Variants in EGFLAM observed in about 807,000 individuals in gnomAD.
EGFLAM encodes the protein EGF like, fibronectin type III and laminin G domains.
In EGFLAM, 79 loss-of-function variants were observed where a neutral mutation model predicts 113.1. The observed-to-expected ratio is 0.70, with a 90% CI of 0.58 to 0.84. The LOEUF (loss-of-function observed/expected upper bound fraction) is 0.84. Among genes scored for constraint, EGFLAM ranks in the 40% least tolerant of loss-of-function variants. EGFLAM has a pLI of 0.00. For synonymous variants in EGFLAM, 504 were observed against 487.6 expected (o/e 1.03, Z -0.44); for missense variants, 1,265 against 1,291.6 (o/e 0.98, Z 0.32).
intron 12 of EGFLAM, among the ~76,000 whole-genome samples, chr5:38,420,590 G>A (rs1741790001): frequency 6.6e-6 from 1 of 152,084 alleles, no homozygotes; most frequent in Non-Finnish European, 1.5e-5. Context: ...CTTAGAATAG[G>A]GCTTTGCACA....
chr5:38,419,359 C>G (rs1168992692), intron 12 of EGFLAM, among the ~76,000 whole-genome samples: 1 of 152,188 alleles, frequency 6.6e-6, no homozygotes, highest in African/African-American at 2.4e-5. Context: ...ACTCACTACT[C>G]TAAGCGTCAC....
intron 6 of EGFLAM, among the ~76,000 whole-genome samples, chr5:38,383,414 C>A (rs1189418398): frequency 1.5e-5 from 2 of 135,036 alleles, no homozygotes; most frequent in Non-Finnish European, 3.2e-5. Flanking sequence ...TTTGTCAGGC[C>A]TTTTTTTTTT....
intron 8 of EGFLAM, among the ~76,000 whole-genome samples, chr5:38,407,496 G>A (rs1304927312): frequency 2.6e-5 from 4 of 152,122 alleles, no homozygotes; most frequent in African/African-American, 9.7e-5. Flanking sequence ...TAACAACTGG[G>A]CCAACTTATA....
At chr5:38,346,205 T>C (rs193159232) in intron 3 of EGFLAM, among the ~76,000 whole-genome samples, 1 of 152,332 alleles carries the variant, frequency 6.6e-6, no homozygotes, top group East Asian at 1.9e-4. Flanking sequence ...AAATACGATT[T>C]TGCTTGGTTT....
intron 1 of EGFLAM, among the ~76,000 whole-genome samples, chr5:38,281,636 A>C (rs1758023708): frequency 6.6e-6 from 1 of 152,152 alleles, no homozygotes; most frequent in South Asian, 2.1e-4. Flanking sequence ...GCACGGGGAA[A>C]TTGAGTATGA....
At chr5:38,399,708 C>A (rs77100071) in intron 6 of EGFLAM, 23,675 of 152,120 alleles carry the variant, frequency 0.16, 2,032 homozygotes, top group Non-Finnish European at 0.17. Flanking sequence ...AGCAGTACTT[C>A]GGGAGACTCT....
chr5:38,325,892 T>TA (rs891962148), intron 1 of EGFLAM, among the ~76,000 whole-genome samples: 50 of 152,002 alleles, frequency 3.3e-4, no homozygotes, highest in African/African-American at 1.2e-3. Flanking sequence ...TATTTTCTTT[T>TA]AAAAAAATAC....
At position 38,407,002 on chromosome 5, in the gene EGFLAM, G is replaced by T; in HGVS notation, c.1003G>T (p.Gly335Cys). The change falls in exon 8 of 22, where the codon GGT becomes TGT. Residue 335 changes from glycine (G) to cysteine (C), a missense_variant. By Grantham distance (159) the Gly-to-Cys change is radical. Coordinates refer to ENST00000322350, the MANE Select transcript of EGFLAM (RefSeq NM_152403.4). ...PIPIQRKGKN[G>C]VAIMSRLFDM... ...TCCCATACAGAGAAAGGGGAAGAAT[G>T]GTGTGGCCATAATGTCAAGGCTCTT... is the stretch of plus-strand genomic sequence containing the variant. 6.2e-7 allele frequency: 1 copy of T among 1,614,214 alleles called. No homozygotes were observed. Among genetic ancestry groups the T allele is most frequent in the Non-Finnish European group, 8.5e-7 (1 of 1,180,050 alleles).
chr5:38,430,492 G>C (rs1029749846), intron 14 of EGFLAM, among the ~76,000 whole-genome samples: 4 of 152,186 alleles, frequency 2.6e-5, no homozygotes, highest in African/African-American at 7.2e-5. Context: ...GCAGTAATTA[G>C]TGTTTTCTTT....
chr5:38,424,477 C>T (rs941460167), intron 12 of EGFLAM, among the ~76,000 whole-genome samples: 9 of 152,342 alleles, frequency 5.9e-5, no homozygotes, highest in Admixed American at 5.2e-4. Context: ...TCAGCTTAGA[C>T]GTGGCTGGGT....
chr5:38,386,914 T>C (rs1729471822), intron 6 of EGFLAM, among the ~76,000 whole-genome samples: 1 of 152,202 alleles, frequency 6.6e-6, no homozygotes. Context: ...GTTACCCATA[T>C]GGTGACGCAC....
intron 1 of EGFLAM, among the ~76,000 whole-genome samples, chr5:38,287,759 T>A (rs554531433): frequency 6.6e-5 from 10 of 152,350 alleles, no homozygotes; most frequent in African/African-American, 2.4e-4. Context: ...AGGAAATTGA[T>A]CCATGTTCTA....
At chr5:38,338,293 A>G (rs1739238542) in intron 2 of EGFLAM, among the ~76,000 whole-genome samples, 2 of 152,134 alleles carry the variant, frequency 1.3e-5, no homozygotes, top group Admixed American at 1.3e-4. Flanking sequence ...ACCACCTGCT[A>G]CTGTCTCCAT....
chr5:38,373,283 T>G (rs1330403782), intron 6 of EGFLAM, among the ~76,000 whole-genome samples: 1 of 152,200 alleles, frequency 6.6e-6, no homozygotes, highest in Non-Finnish European at 1.5e-5. Context: ...AGACAGGATT[T>G]GAACGTGGGT....
intron 12 of EGFLAM, among the ~76,000 whole-genome samples, chr5:38,424,544 C>G (rs1425042804): frequency 2.0e-5 from 3 of 152,296 alleles, no homozygotes; most frequent in East Asian, 3.9e-4. Flanking sequence ...GGCAGCAGCA[C>G]TTAAGCTAAT....
In EGFLAM at chr5:38,427,145, C is replaced by T. The variant is rs777161175; in HGVS notation, c.1947C>T (p.Val649=). 1.2e-6 allele frequency: 2 copies of T among 1,614,148 alleles called. No homozygotes were observed. The highest frequency in any genetic ancestry group is 1.1e-5 in the South Asian group (1 of 91,074). The change falls in exon 14 of 22, where the codon GTC becomes GTT. Residue 649 remains valine, a synonymous_variant. Transcript: ENST00000322350. ...ITFRPDSGDG[V]LLYSYDTGSK... ...TTCGGCCAGACTCAGGAGATGGTGT[C>T]CTCCTGTACAGCTATGACACAGGCA...
intron 1 of EGFLAM, among the ~76,000 whole-genome samples, chr5:38,319,490 C>T (rs931916217): frequency 1.3e-5 from 2 of 152,098 alleles, no homozygotes; most frequent in African/African-American, 4.8e-5. Context: ...GTTGTAGGTG[C>T]CAGGAATAAA....
At chr5:38,304,663 A>G (rs911369037) in intron 1 of EGFLAM, among the ~76,000 whole-genome samples, 7 of 152,382 alleles carry the variant, frequency 4.6e-5, no homozygotes, top group Non-Finnish European at 1.0e-4. Context: ...AAAGTTTACA[A>G]TGAGTTTTTT....
chr5:38,412,589 G>A lies in EGFLAM; in HGVS notation c.1435G>A (p.Asp479Asn). ...GGWHTVMLYR[D>N]GLNGLLQLNN... The stretch of plus-strand genomic sequence containing the variant: ...TTGGCACACGGTTATGCTCTACAGA[G>A]ATGGGCTGAACGGGCTGCTGCAGCT... The change falls in exon 11 of 22, where the codon GAT becomes AAT. Residue 479 changes from aspartate to asparagine, a missense_variant. By Grantham distance (23) the Asp-to-Asn change is conservative. Transcript: ENST00000322350. 6.2e-7 allele frequency: 1 copy of A among 1,614,184 alleles called. No homozygotes were observed. The highest frequency in any genetic ancestry group is 8.5e-7 in the Non-Finnish European group (1 of 1,180,044).
Sources: allele counts gnomAD v4.1 joint callset (sites outside exome capture counted in the v4.1 genomes callset), GRCh38; gene constraint gnomAD v4.1.1; transcripts MANE v1.5; gene names NCBI Gene and HGNC (gene_info 2026-07-23, HGNC 2026-07-21).